Variants in REXO5 observed in about 807,000 individuals in gnomAD.
REXO5 encodes the protein RNA exonuclease 5.
REXO5 carries 48 observed loss-of-function variants against 88.5 expected under a neutral mutation model. That is an observed-to-expected ratio of 0.54 (90% confidence interval 0.43 to 0.69). The LOEUF is 0.69. REXO5 is among the 30% of genes least tolerant of loss of function. The pLI, the probability that REXO5 is intolerant of heterozygous loss-of-function variation, is 0.00. For synonymous variants in REXO5, 311 were observed against 336.5 expected, an observed-to-expected ratio of 0.92 and a Z score of 0.83; for missense variants, 749 against 912.2, an observed-to-expected ratio of 0.82 and a Z score of 2.30.
Position 20,828,471 on chromosome 16 carries a change from T to C in REXO5, c.1092T>C (p.Asp364=), listed in dbSNP as rs367926040. The C allele has an allele frequency of 1.2e-6, 2 of 1,613,992 alleles. No individual in the cohort carries two copies. Among genetic ancestry groups the C allele is most frequent in the Non-Finnish European group, 1.7e-6 (2 of 1,179,864 alleles). The part of the protein sequence containing the change: ...DIQCPDRLGH[D]ATEDARTILE... ...AGTGTCCAGACAGACTTGGTCATGA[T>C]GCCACAGAAGATGCTAGAACAATCC... Residue 364 remains aspartate, a synonymous_variant, in exon 11 of 20, where the codon GAT becomes GAC. Transcript: ENST00000261377.
At chr16:20,821,928 G>A (rs912462678) in intron 6 of REXO5, 26 bp downstream of exon 6, 2 of 1,522,484 alleles carry the variant, frequency 1.3e-6, no homozygotes, top group African/African-American at 1.4e-5. Context: ...CTCTGATATT[G>A]CTAACAATGT....
chr16:20,833,153 A>G, intron 13 of REXO5, 30 bp downstream of exon 13: 2 of 1,605,798 alleles, frequency 1.2e-6, no homozygotes, highest in East Asian at 2.2e-5. Flanking sequence ...TTTGCAGGTT[A>G]TATTCAAAGC....
Position 20,814,930 on chromosome 16 carries a change from G to A in REXO5, c.255G>A (p.Trp85Ter), listed in dbSNP as rs201728796. 6.2e-7 allele frequency: 1 copy of A among 1,612,102 alleles called. No individual in the cohort carries two copies. Among genetic ancestry groups the A allele is most frequent in the African/African-American group, 1.3e-5 (1 of 74,906 alleles). The change falls in exon 4 of 20, where the codon TGG becomes TGA. Residue 85 changes from tryptophan (W) to a stop codon, truncating the protein, a stop_gained. Transcript: ENST00000261377. LOFTEE classifies it high-confidence loss of function. ...TGTTGGTTTGATTTCTTGGCAGCTG[G>A]TGCCAGCTTTTTCATCAAAACCACC... ...LGKSNVPKPS[W>*]CQLFHQNHLN...
At chr16:20,833,980 A>G (rs909662965) in intron 13 of REXO5, among the ~76,000 whole-genome samples, 13 of 152,172 alleles carry the variant, frequency 8.5e-5, no homozygotes, top group African/African-American at 3.1e-4. Flanking sequence ...GTCATGTATT[A>G]CAATTACTTG....
In REXO5 at chr16:20,839,823, C is replaced by A; in HGVS notation, c.1452C>A (p.Ala484=). ...PFSIVQFSFK[A]FSPVLTEEMN... is the part of the protein sequence containing the mutation. ...GCATTGTTCAGTTCTCTTTTAAGGC[C>A]TTTTCACCTGTCCTCACTGAGGAGA... Residue 484 remains alanine (A), a synonymous_variant, in exon 14 of 20, where the codon GCC becomes GCA. Coordinates refer to ENST00000261377, the MANE Select transcript of REXO5 (RefSeq NM_030941.3). 6.2e-7 allele frequency: 1 copy of A among 1,613,620 alleles called. No individual in the cohort carries two copies. Among genetic ancestry groups the A allele is most frequent in the Non-Finnish European group, 8.5e-7 (1 of 1,179,632 alleles).
intron 4 of REXO5, among the ~76,000 whole-genome samples, 191 bp from the exon 5 acceptor site, chr16:20,815,925 G>C (rs762528714): frequency 1.4e-4 from 21 of 152,170 alleles, no homozygotes; most frequent in Non-Finnish European, 2.9e-5. Context: ...TAATCATAGG[G>C]ATCAGTTAGT....
chr16:20,806,607 C>A lies in REXO5; in HGVS notation c.-101C>A. On this transcript the variant is annotated 5_prime_UTR_variant, in exon 1 of 20. Transcript: ENST00000261377. ...CTTCTGCGTTTCCCGGGCTAGGGGG[C>A]GTGGGGAGTGGTTTTAGGCGGCGAA... The A allele has an allele frequency of 4.3e-6, 6 of 1,409,050 alleles. No homozygotes were observed. In the South Asian group the frequency reaches 7.3e-5, roughly 17 times the overall value. The allele number at this position is 1,409,050 out of a possible 1,614,324, so 87.3% of individuals were successfully genotyped here. A position where few individuals can be genotyped will look rare whatever the true frequency, so the allele number is the denominator to read the frequency against.
intron 13 of REXO5, among the ~76,000 whole-genome samples, chr16:20,839,370 G>GA (rs2081489615): frequency 6.7e-6 from 1 of 148,608 alleles, no homozygotes; most frequent in Admixed American, 6.7e-5. Context: ...CATGCCCCTT[G>GA]ATTTTTTTTT....
chr16:20,846,456 CTT>C (rs1367158988), intron 19 of REXO5, 117 bp downstream of exon 19: 2 of 680,674 alleles, frequency 2.9e-6, no homozygotes, highest in Admixed American at 2.6e-5. Context: ...TGAATCATCT[CTT>C]TAATTTTCAC....
chr16:20,846,223 T>C lies in REXO5; in HGVS notation c.2127T>C (p.Thr709=). The change falls in exon 19 of 20, where the codon ACT becomes ACC. Residue 709 remains threonine, a splice_region_variant and synonymous_variant. Transcript: ENST00000261377. Reference sequence around the variant, plus strand: ...TCGACACATGGCTTTGATCCCAGACTCTGAAACTGGACCACCCGAAGATAG... The same window carrying C: ...TCGACACATGGCTTTGATCCCAGACCCTGAAACTGGACCACCCGAAGATAG... ...PPPFEQEALQ[T]LKLDHPKIAA... is the part of the protein sequence containing the mutation. 1 of 1,613,588 alleles carries C rather than the reference T, an allele frequency of 6.2e-7. No individual in the cohort carries two copies. Among genetic ancestry groups the C allele is most frequent in the Non-Finnish European group, 8.5e-7 (1 of 1,179,594 alleles).
intron 18 of REXO5, 28 bp downstream of exon 18, chr16:20,845,269 G>T: frequency 6.3e-7 from 1 of 1,595,062 alleles, no homozygotes; most frequent in Non-Finnish European, 8.6e-7. Flanking sequence ...TCTTGGAGAA[G>T]ATGTCAGGAG....
At chr16:20,838,145 T>C (rs1458341361) in intron 13 of REXO5, among the ~76,000 whole-genome samples, 1 of 152,108 alleles carries the variant, frequency 6.6e-6, no homozygotes, top group East Asian at 1.9e-4. Flanking sequence ...TTGAACAAGG[T>C]TTTCATTCAA....
chr16:20,848,736 G>C (rs1388560262), intron 19 of REXO5, among the ~76,000 whole-genome samples: 3 of 152,158 alleles, frequency 2.0e-5, no homozygotes, highest in African/African-American at 4.8e-5. Flanking sequence ...AGTATTGAAG[G>C]CTCCTAAATT....
chr16:20,823,411 C>CT (rs2081215275), intron 6 of REXO5: 1 of 152,050 alleles, frequency 6.6e-6, no homozygotes, highest in Non-Finnish European at 1.5e-5. Flanking sequence ...TTATACATGG[C>CT]TTTTTTCTCT....
At chr16:20,829,898 T>C (rs1351383306) in intron 11 of REXO5, among the ~76,000 whole-genome samples, 1 of 152,242 alleles carries the variant, frequency 6.6e-6, no homozygotes, top group Non-Finnish European at 1.5e-5. Context: ...TAGTAAATAT[T>C]GTAGGCTTTG....
chr16:20,807,112 G>A, intron 2 of REXO5, 21 bp downstream of exon 2: 1 of 1,591,454 alleles, frequency 6.3e-7, no homozygotes, highest in Non-Finnish European at 8.5e-7. Context: ...GGGATCCCGA[G>A]CAGGCGGCCC....
rs745713980 is a variant in REXO5 at position 20,833,115 on chromosome 16, A to T, written c.1375A>T (p.Asn459Tyr). The change falls in exon 13 of 20, where the codon AAT (asparagine) becomes TAT (tyrosine). Residue 459 changes from asparagine (N) to tyrosine (Y), a missense_variant. Physicochemically the swap from Asn to Tyr is moderately radical, Grantham distance 143 (BLOSUM62 -2). Coordinates refer to ENST00000261377, the MANE Select transcript of REXO5 (RefSeq NM_030941.3). Reference sequence around the variant, plus strand: ...TTGTCAAACTATTAAGTGTCTTTCAAATAAAGAGGTGAGTGGCCTGCTGAA... The same window carrying T: ...TTGTCAAACTATTAAGTGTCTTTCATATAAAGAGGTGAGTGGCCTGCTGAA... ...RNCQTIKCLS[N>Y]KEVLEQARVE... 1 of 1,613,216 alleles carries T rather than the reference A, an allele frequency of 6.2e-7. No homozygotes were observed. Among genetic ancestry groups the T allele is most frequent in the South Asian group, 1.1e-5 (1 of 91,002 alleles).
rs762291197 is a variant in REXO5 at position 20,843,922 on chromosome 16, G to A, written c.1627-12G>A. ...GGAAAGCAATGATGAGGAAATCTTG[G>A]TCTTTCTGCAGCCTCATCTCTGTAT... On this transcript the variant is annotated splice_polypyrimidine_tract_variant and intron_variant, in intron 15 of 19. Coordinates refer to ENST00000261377, the MANE Select transcript of REXO5 (RefSeq NM_030941.3). The A allele has an allele frequency of 1.3e-6, 2 of 1,579,208 alleles. No individual in the cohort carries two copies. The highest frequency in any genetic ancestry group is 1.7e-6 in the Non-Finnish European group (2 of 1,152,282).
intron 3 of REXO5, among the ~76,000 whole-genome samples, chr16:20,813,505 T>C (rs541332967): frequency 1.2e-4 from 18 of 152,292 alleles, no homozygotes; most frequent in African/African-American, 3.1e-4. Context: ...AAAATCTACA[T>C]TTTCTTCTTC....
Sources: allele counts gnomAD v4.1 joint callset (sites outside exome capture counted in the v4.1 genomes callset), GRCh38; gene constraint gnomAD v4.1.1; transcripts MANE v1.5; gene names NCBI Gene and HGNC (gene_info 2026-07-23, HGNC 2026-07-21).